LOC128092253: variants seen among roughly 807,000 people sequenced by gnomAD.
At chr6:133,979,048 G>C in the LOC128092253 span, among the ~76,000 whole-genome samples, 1 of 152,106 alleles carries the variant, frequency 6.6e-6, no homozygotes, top group Non-Finnish European at 1.5e-5. Flanking sequence ...GGGCTTGTTT[G>C]TTTGTATAAA....
At chr6:133,976,983 GA>G in the LOC128092253 span, among the ~76,000 whole-genome samples, 3 of 148,138 alleles carry the variant, frequency 2.0e-5, no homozygotes, top group South Asian at 2.1e-4. Flanking sequence ...AAAAAAAAAA[GA>G]AAAAAAAGAA....
the LOC128092253 span, among the ~76,000 whole-genome samples, chr6:133,966,074 G>A: frequency 2.6e-5 from 4 of 152,144 alleles, no homozygotes; most frequent in African/African-American, 9.7e-5. Context: ...GAGACAGAGA[G>A]AGACAGAAAG....
chr6:133,967,359 TTATA>T, the LOC128092253 span, among the ~76,000 whole-genome samples: 1 of 152,224 alleles, frequency 6.6e-6, no homozygotes, highest in African/African-American at 2.4e-5. Context: ...TTAATATTCT[TTATA>T]TATTAGAGCT....
the LOC128092253 span, among the ~76,000 whole-genome samples, chr6:133,972,701 TTTG>T: frequency 6.6e-6 from 1 of 151,946 alleles, no homozygotes; most frequent in Non-Finnish European, 1.5e-5. Context: ...TGTTTGTTTG[TTTG>T]TTTTTTTCCC....
chr6:133,971,999 G>A, the LOC128092253 span, among the ~76,000 whole-genome samples: 3 of 152,084 alleles, frequency 2.0e-5, no homozygotes, highest in Admixed American at 2.0e-4. Flanking sequence ...GCATTTTTTG[G>A]TGCTAAAATA....
At chr6:133,976,890 T>C in the LOC128092253 span, among the ~76,000 whole-genome samples, 8,715 of 149,356 alleles carry the variant, frequency 0.058, 664 homozygotes, top group African/African-American at 0.18. Flanking sequence ...ATTGCTTGAA[T>C]CCAGGAGGCG....
chr6:133,958,979 G>C, the LOC128092253 span, among the ~76,000 whole-genome samples: 1 of 152,036 alleles, frequency 6.6e-6, no homozygotes, highest in Admixed American at 6.6e-5. Flanking sequence ...CATGACTGTT[G>C]CACCAAATAG....
At chr6:133,968,568 T>G in the LOC128092253 span, among the ~76,000 whole-genome samples, 1 of 152,172 alleles carries the variant, frequency 6.6e-6, no homozygotes, top group Non-Finnish European at 1.5e-5. Context: ...GAGAGGTAAA[T>G]GGTATTGTGT....
chr6:133,974,114 A>G, the LOC128092253 span, among the ~76,000 whole-genome samples: 3 of 152,110 alleles, frequency 2.0e-5, no homozygotes, highest in African/African-American at 7.2e-5. Context: ...ATAAGCCAAA[A>G]TGAACTCATA....
At chr6:133,974,592 G>A in the LOC128092253 span, among the ~76,000 whole-genome samples, 2 of 152,214 alleles carry the variant, frequency 1.3e-5, no homozygotes, top group African/African-American at 4.8e-5. Context: ...CTCCCAAAGT[G>A]CTGGGATTAT....
chr6:133,955,454 C>T, the LOC128092253 span, among the ~76,000 whole-genome samples: 1 of 151,892 alleles, frequency 6.6e-6, no homozygotes, highest in African/African-American at 2.4e-5. Context: ...AACATGTGTC[C>T]TTCGCCTGCA....
At chr6:133,967,565 T>TAC in the LOC128092253 span, among the ~76,000 whole-genome samples, 1 of 152,194 alleles carries the variant, frequency 6.6e-6, no homozygotes, top group African/African-American at 2.4e-5. Context: ...TAGAATCTAC[T>TAC]ACACACCTGG....
the LOC128092253 span, chr6:133,968,874 T>G: frequency 1.3e-5 from 2 of 152,224 alleles, no homozygotes; most frequent in Non-Finnish European, 2.9e-5. Context: ...TTCACCAGGC[T>G]GGTCTCCAAC....
chr6:133,977,411 A>C, the LOC128092253 span, among the ~76,000 whole-genome samples: 2 of 151,916 alleles, frequency 1.3e-5, no homozygotes, highest in Non-Finnish European at 2.9e-5. Flanking sequence ...ATTCACACAG[A>C]TTTTCTTTAC....
the LOC128092253 span, among the ~76,000 whole-genome samples, chr6:133,963,997 T>C: frequency 0.52 from 79,190 of 151,668 alleles, 21,924 homozygotes; most frequent in Non-Finnish European, 0.64. Flanking sequence ...GCCGAGATCG[T>C]GACACTGCAC....
the LOC128092253 span, among the ~76,000 whole-genome samples, chr6:133,961,537 C>T: frequency 6.9e-6 from 1 of 144,846 alleles, no homozygotes; most frequent in Non-Finnish European, 1.5e-5. Context: ...GGTGCAATCT[C>T]GGCTCATTGC....
the LOC128092253 span, among the ~76,000 whole-genome samples, chr6:133,961,616 C>A: frequency 1.3e-5 from 2 of 151,932 alleles, no homozygotes; most frequent in Admixed American, 1.3e-4. Flanking sequence ...TACAGGTGCA[C>A]ATCACCATGC....
chr6:133,963,556 G>C, the LOC128092253 span, among the ~76,000 whole-genome samples: 2 of 152,082 alleles, frequency 1.3e-5, no homozygotes, highest in African/African-American at 4.8e-5. Context: ...GAGTAGCTGG[G>C]CCTATAGGCA....
chr6:133,977,699 A>T, the LOC128092253 span, among the ~76,000 whole-genome samples: 1 of 152,224 alleles, frequency 6.6e-6, no homozygotes, highest in African/African-American at 2.4e-5. Flanking sequence ...ATCCAACATG[A>T]GGGAAACTGA....
Sources: gnomAD v4.1 joint callset for allele counts (sites outside exome capture counted in the v4.1 genomes callset) on GRCh38, gnomAD v4.1.1 for gene constraint, MANE v1.5 for transcripts.